The following NAV1 variants were observed in gnomAD, a reference collection of about 807,000 sequenced individuals.
The protein encoded by NAV1 is pore membrane and/or filament interacting like protein 3.
NAV1 carries 18 observed loss-of-function variants against 175.2 expected under a neutral mutation model. The observed-to-expected ratio is 0.10, with a 90% CI of 0.07 to 0.15. The LOEUF (loss-of-function observed/expected upper bound fraction) is 0.15, where lower values mean the gene tolerates loss of function less well. Ranked by LOEUF, NAV1 falls within the 10% of genes least tolerant of loss-of-function variation. NAV1 has a pLI of 1.00. For synonymous variants in NAV1, 897 were observed against 978.7 expected (o/e 0.92, Z 1.56); for missense variants, 1,731 against 2,436.6 (o/e 0.71, Z 6.10).
At chr1:201,548,807 G>A (rs1032018846) in intron 1 of NAV1, among the ~76,000 whole-genome samples, 2 of 152,232 alleles carry the variant, frequency 1.3e-5, no homozygotes, top group African/African-American at 4.8e-5. Flanking sequence ...TAGTGTAAGT[G>A]CTCTAAACTT....
At chr1:201,553,833 G>A (rs745702879) in intron 1 of NAV1, among the ~76,000 whole-genome samples, 1 of 152,212 alleles carries the variant, frequency 6.6e-6, no homozygotes, top group Non-Finnish European at 1.5e-5. Context: ...GTTGAATGAT[G>A]TATTTTGCTT....
intron 1 of NAV1, among the ~76,000 whole-genome samples, chr1:201,651,282 G>A (rs758293723): frequency 1.3e-5 from 2 of 151,984 alleles, no homozygotes; most frequent in Non-Finnish European, 2.9e-5. Flanking sequence ...AGCTGGTCTG[G>A]GTCCTCTCCA....
At chr1:201,780,750 A>C (rs1003490898) in intron 4 of NAV1, among the ~76,000 whole-genome samples, 191 bp downstream of exon 8, 12 of 151,102 alleles carry the variant, frequency 7.9e-5, no homozygotes, top group Admixed American at 7.3e-4. Context: ...CCAAGACATT[A>C]GATGTTGTCA....
At position 201,782,131 on chromosome 1, in the gene NAV1, T is replaced by C. The variant is rs371328613; in HGVS notation, c.1664-45T>C. On this transcript the variant is annotated intron_variant, in intron 5 of 29. Transcript: ENST00000367296. This position sits in a 1 kb window ranked among gnomAD's most constrained non-coding sequence, Gnocchi z 5.4. ...GAAAGAAAAGGGTGGGTTTTTAAGA[T>C]ACTGGTCAGTTTCAGCTCTTTTCTC... The C allele has an allele frequency of 6.0e-6, 9 of 1,500,842 alleles. No homozygotes were observed. Among genetic ancestry groups the C allele is most frequent in the Middle Eastern group, 1.8e-4 (1 of 5,608 alleles). The allele number at this position is 1,500,842 out of a possible 1,614,324, so 93.0% of individuals were successfully genotyped here. A position where few individuals can be genotyped will look rare whatever the true frequency, so the allele number is the denominator to read the frequency against.
intron 3 of NAV1, among the ~76,000 whole-genome samples, chr1:201,768,333 G>GGAAAAAAAA (rs544063010): frequency 1.1e-4 from 12 of 105,672 alleles, no homozygotes; most frequent in African/African-American, 4.4e-4. Flanking sequence ...CCGTCTCAGA[G>GGAAAAAAAA]AAAAAAAAAA....
In NAV1 at chr1:201,782,925, A is replaced by G; in HGVS notation, c.2357+56A>G. The stretch of plus-strand genomic sequence containing the variant: ...TGTTTGCTTTGTCATTCTTTCGCAT[A>G]TCTCTGCCCTCCTTGGACTAGATGA... On this transcript the variant is annotated intron_variant, in intron 6 of 29. Coordinates refer to ENST00000367296, the Ensembl canonical transcript of NAV1. The surrounding 1 kb of genome is among the most constrained non-coding windows in gnomAD (Gnocchi z 5.4). The G allele has an allele frequency of 6.9e-7, 1 of 1,447,410 alleles. No homozygotes were observed. Among genetic ancestry groups the G allele is most frequent in the Non-Finnish European group, 9.4e-7 (1 of 1,068,594 alleles). The allele number at this position is 1,447,410 out of a possible 1,614,324, so 89.7% of individuals were successfully genotyped here.
rs554838431 is a variant in NAV1, at chr1:201,676,251, A to G, written c.757+26826A>G. Among the ~76,000 whole-genome samples, 13 of 152,034 alleles carry G rather than the reference A, an allele frequency of 8.6e-5. No individual in the cohort carries two copies. In the South Asian group the frequency reaches 2.7e-3, roughly 32 times the overall value. On this transcript the variant is annotated intron_variant, in intron 1 of 29. Coordinates refer to ENST00000367296, the Ensembl canonical transcript of NAV1. ...CTGGAGACCTGGCCTCCCAGCAGCC[A>G]CTCCCTCTGCTTTTAAGAGGAAGCT...
rs180878370 is a variant in NAV1, at chr1:201,626,669, C to T, written c.-100-2735C>T. The stretch of plus-strand genomic sequence containing the variant: ...CACAGCCCTTGCTGACTTTTCCCAA[C>T]TGCCAGTGCACCCTTTACCACCTCC... On this transcript the variant is annotated intron_variant, in intron 1 of 29. Transcript: ENST00000367302. Among the ~76,000 whole-genome samples the T allele has an allele frequency of 4.9e-4, 74 of 152,362 alleles. 1 individual carries two copies. Among genetic ancestry groups the T allele is most frequent in the African/African-American group, 1.7e-3 (72 of 41,582 alleles).
At chr1:201,786,668 T>G (rs1676771724) in intron 9 of NAV1, 91 bp downstream of exon 13, 1 of 1,322,206 alleles carries the variant, frequency 7.6e-7, no homozygotes, top group Non-Finnish European at 1.0e-6. Context: ...GGGTTTCATC[T>G]CATGTTTGAC....
Position 201,718,519 on chromosome 1 carries a change from G to A in NAV1, c.990G>A (p.Ala330=), listed in dbSNP as rs758580237. The A allele has an allele frequency of 8.1e-6, 13 of 1,610,798 alleles. No homozygotes were observed. Among genetic ancestry groups the A allele is most frequent in the Admixed American group, 5.0e-5 (3 of 59,934 alleles). The change falls in exon 3 of 30, where the codon GCG becomes GCA. Residue 330 remains alanine (A), a synonymous_variant. Transcript: ENST00000367296. The surrounding 1 kb of genome is among the most constrained non-coding windows in gnomAD (Gnocchi z 4.8). ...GTCCGCGGCTGCAGGCTGGTGACGC[G>A]CCCTCTGTGGGTGGGAGCTGCCGCT... is the stretch of plus-strand genomic sequence containing the variant.
At chr1:201,756,796 CTTTCTTTCTTTCCTTCTTTCTTT>C (rs1674491328) in intron 3 of NAV1, among the ~76,000 whole-genome samples, 7 of 48,956 alleles carry the variant, frequency 1.4e-4, no homozygotes, top group African/African-American at 6.0e-4. Context: ...GAGCAATTCT[CTTTCTTTCTTTCCTTCTTTCTTT>C]CTTTCTTTCT....
intron 2 of NAV1, among the ~76,000 whole-genome samples, chr1:201,616,041 C>G (rs955125708): frequency 6.0e-5 from 8 of 133,348 alleles, no homozygotes; most frequent in Non-Finnish European, 1.5e-5. Context: ...TAATAAATAA[C>G]AGAAATACTT....
At chr1:201,692,032 A>G (rs934144222) in intron 1 of NAV1, among the ~76,000 whole-genome samples, 1 of 152,268 alleles carries the variant, frequency 6.6e-6, no homozygotes, top group Admixed American at 6.5e-5. Context: ...TCCAGGCCAT[A>G]TCTCTTTTCC....
Position 201,808,169 on chromosome 1 carries a change from C to G in NAV1, c.3845+20C>G, listed in dbSNP as rs1219246877. The G allele has an allele frequency of 6.2e-7, 1 of 1,613,066 alleles. No individual in the cohort carries two copies. The highest frequency in any genetic ancestry group is 8.5e-7 in the Non-Finnish European group (1 of 1,179,242). On this transcript the variant is annotated intron_variant, in intron 18 of 29. Coordinates refer to ENST00000367296, the Ensembl canonical transcript of NAV1. The surrounding 1 kb of genome is among the most constrained non-coding windows in gnomAD (Gnocchi z 5.5). The stretch of plus-strand genomic sequence containing the variant: ...CACCGAGTAAGTGCTCTTTGGCTCC[C>G]TGCCACCCAGCCTGTTACCAGTGTA...
At chr1:201,729,247 G>C (rs1189797439) in intron 3 of NAV1, among the ~76,000 whole-genome samples, 1 of 152,254 alleles carries the variant, frequency 6.6e-6, no homozygotes, top group Non-Finnish European at 1.5e-5. Context: ...CTGGTGTTCA[G>C]ATCCCAGCTC....
chr1:201,775,884 C>A (rs1042080111), intron 3 of NAV1, among the ~76,000 whole-genome samples: 1 of 151,736 alleles, frequency 6.6e-6, no homozygotes, highest in South Asian at 2.1e-4. Flanking sequence ...ATAGTGAGAC[C>A]CTGGCTCTAC....
intron 15 of NAV1, among the ~76,000 whole-genome samples, chr1:201,801,808 A>G (rs1677884965): frequency 6.6e-6 from 1 of 152,110 alleles, no homozygotes; most frequent in Non-Finnish European, 1.5e-5. Context: ...TCCGTTCTCC[A>G]TTATCTATGG....
intron 1 of NAV1, among the ~76,000 whole-genome samples, chr1:201,557,003 C>G (rs1163495757): frequency 1.3e-5 from 2 of 152,174 alleles, no homozygotes; most frequent in African/African-American, 4.8e-5. Context: ...AACCCTGACT[C>G]CATGATCCTG....
In NAV1 at chr1:201,804,061, C is replaced by A. The variant is rs775915120; in HGVS notation, c.3639+347C>A. 9 of 490,718 alleles carry A rather than the reference C, an allele frequency of 1.8e-5. 1 individual carries two copies. The highest frequency in any genetic ancestry group is 1.3e-4 in the South Asian group (8 of 61,440). 30.4% of individuals were successfully genotyped at this position (490,718 alleles called of 1,614,324 possible). On this transcript the variant is annotated intron_variant, in intron 16 of 29. Coordinates refer to ENST00000367296, the Ensembl canonical transcript of NAV1. ...CCACCACCCCCCATTCCCTTCTATA[C>A]TATGGAGAGATTTTATGAACAAAGC...
Sources: gnomAD v4.1 joint callset for allele counts (sites outside exome capture counted in the v4.1 genomes callset) on GRCh38, gnomAD v4.1.1 for gene constraint, Gnocchi (gnomAD v3.1) non-coding constraint, MANE v1.5 for transcripts, NCBI Gene and HGNC (gene_info 2026-07-23, HGNC 2026-07-21) for gene names.